The following PCDHA9 variants were observed in gnomAD, a reference collection of about 807,000 sequenced individuals.
PCDHA9 encodes protocadherin alpha 9.
A neutral mutation model predicts 62.0 loss-of-function variants in PCDHA9; 62 were observed. The observed-to-expected ratio is 1.00, with a 90% CI of 0.81 to 1.23. PCDHA9 has a LOEUF of 1.23. Among genes scored for constraint, PCDHA9 ranks in the 50% most tolerant of loss-of-function variants. The pLI is 0.00. For missense variants in PCDHA9, 1,205 were observed against 1,249.8 expected (o/e 0.96, Z 0.54); for synonymous variants, 557 against 567.6 (o/e 0.98, Z 0.27).
intron 1 of PCDHA9, among the ~76,000 whole-genome samples, chr5:140,978,596 C>T (rs2096811689): frequency 6.6e-6 from 1 of 152,204 alleles, no homozygotes; most frequent in African/African-American, 2.4e-5. Context: ...CTTAATGGGG[C>T]ACTTGAGGGC....
At chr5:141,000,410 TATATATATATA>T (rs1554257433) in intron 3 of PCDHA9, among the ~76,000 whole-genome samples, 1 of 101,972 alleles carries the variant, frequency 9.8e-6, no homozygotes, top group Non-Finnish European at 2.0e-5. Context: ...TATATATATA[TATATATATATA>T]TTTTTTTTTT....
At chr5:140,956,724 C>T (rs2095305540) in intron 1 of PCDHA9, among the ~76,000 whole-genome samples, 1 of 152,176 alleles carries the variant, frequency 6.6e-6, no homozygotes, top group South Asian at 2.1e-4. Flanking sequence ...AGAATTGGTA[C>T]CAGCTCCTCT....
At chr5:140,897,167 C>A (rs1271791310) in intron 1 of PCDHA9, among the ~76,000 whole-genome samples, 1 of 152,140 alleles carries the variant, frequency 6.6e-6, no homozygotes, top group Non-Finnish European at 1.5e-5. Flanking sequence ...TACTGTCTAT[C>A]TCCATGGGTT....
intron 1 of PCDHA9, among the ~76,000 whole-genome samples, chr5:140,886,777 G>A (rs2061124221): frequency 1.4e-5 from 2 of 140,408 alleles, no homozygotes; most frequent in South Asian, 4.7e-4. Flanking sequence ...AGTGAGATGA[G>A]ATCATGCTAC....
intron 1 of PCDHA9, among the ~76,000 whole-genome samples, chr5:140,855,664 C>G (rs2043557127): frequency 6.7e-6 from 1 of 149,694 alleles, no homozygotes. Flanking sequence ...GAAGAAATCA[C>G]TACTCTGAGA....
Position 140,924,886 on chromosome 5 carries a change from A to C in PCDHA9, c.2395-54063A>C, listed in dbSNP as rs190850675. ...CTCCAGCCTGGGTGACAGAGCAAGAACCTGTCTCAAAAAAAAAAATAAAAT... is the reference window on the plus strand; with the variant it reads ...CTCCAGCCTGGGTGACAGAGCAAGACCCTGTCTCAAAAAAAAAAATAAAAT... On this transcript the variant is annotated intron_variant, in intron 1 of 3. Transcript: ENST00000532602. Among the ~76,000 whole-genome samples, 1,191 of 137,252 alleles carry C rather than the reference A, an allele frequency of 8.7e-3. 7 individuals carry two copies. Among genetic ancestry groups the C allele is most frequent in the African/African-American group, 0.022 (767 of 35,510 alleles). The allele number at this position is 137,252 out of a possible 152,430, so 90.0% of individuals were successfully genotyped here.
chr5:140,849,758 C>T lies in PCDHA9; in HGVS notation c.1263C>T (p.Tyr421=), dbSNP rs150560525. ...TGGACCGCGAGAGTGTGTCCGCCTA[C>T]GAGCTGGTGGTTACCGCGCGGGACG... The part of the protein sequence containing the change: ...RALDRESVSA[Y]ELVVTARDGG... Residue 421 remains tyrosine, a synonymous_variant, in exon 1 of 4, where the codon TAC becomes TAT. Transcript: ENST00000532602. 1.8e-4 allele frequency: 292 copies of T among 1,598,480 alleles called. 14 individuals are homozygous for T. The highest frequency in any genetic ancestry group is 1.6e-3 in the African/African-American group (121 of 74,466).
chr5:140,939,311 C>A (rs972598257), intron 1 of PCDHA9, among the ~76,000 whole-genome samples: 1 of 152,130 alleles, frequency 6.6e-6, no homozygotes, highest in African/African-American at 2.4e-5. Flanking sequence ...AAAGCCCTAC[C>A]TCCTAATATC....
intron 1 of PCDHA9, chr5:140,882,963 T>C (rs2059384915): frequency 3.7e-6 from 6 of 1,614,088 alleles, no homozygotes; most frequent in Admixed American, 1.7e-5. Context: ...CTCATCACGA[T>C]TCTGGACGTG....
At chr5:140,870,919 C>G in intron 1 of PCDHA9, 1 of 1,613,952 alleles carries the variant, frequency 6.2e-7, no homozygotes, top group South Asian at 1.1e-5. Context: ...CAACGCGTGG[C>G]TTTCATATGA....
chr5:140,932,016 G>A lies in PCDHA9; in HGVS notation c.2395-46933G>A, dbSNP rs73266047. Among the ~76,000 whole-genome samples, 510 of 151,544 alleles carry A rather than the reference G, an allele frequency of 3.4e-3. 2 individuals carry two copies. Among genetic ancestry groups the A allele is most frequent in the African/African-American group, 0.012 (481 of 41,364 alleles). ...TCTAAGTTCTTTCATTTTAGTTTAC[G>A]GTAAGTTTACAGTATATATTAACAT... On this transcript the variant is annotated intron_variant, in intron 1 of 3. Transcript: ENST00000532602.
chr5:140,907,412 A>G (rs889699438), intron 1 of PCDHA9, among the ~76,000 whole-genome samples: 5 of 152,232 alleles, frequency 3.3e-5, no homozygotes, highest in Non-Finnish European at 7.3e-5. Flanking sequence ...GAATACCACG[A>G]TGGTGGATAA....
chr5:141,004,682 T>G (rs1002761253), intron 3 of PCDHA9, among the ~76,000 whole-genome samples: 2 of 152,184 alleles, frequency 1.3e-5, no homozygotes, highest in South Asian at 4.1e-4. Flanking sequence ...TGTGGAGTGG[T>G]GCTGAAACCC....
rs191667063 is a variant in PCDHA9 at position 140,957,933 on chromosome 5, T to G, written c.2395-21016T>G. Among the ~76,000 whole-genome samples the G allele has an allele frequency of 2.8e-3, 419 of 152,208 alleles. 2 individuals carry two copies. The highest frequency in any genetic ancestry group is 0.014 in the Middle Eastern group (4 of 294). ...GTTATCTATGTATCAAGCTAAATAA[T>G]TTAAAGATCTTTAAGACTATTAATT... is the stretch of plus-strand genomic sequence containing the variant. On this transcript the variant is annotated intron_variant, in intron 1 of 3. Transcript: ENST00000532602.
chr5:140,869,330 A>G (rs1554162906), intron 1 of PCDHA9: 25 of 1,613,778 alleles, frequency 1.5e-5, no homozygotes, highest in Non-Finnish European at 2.0e-5. Context: ...GACCTTCTGG[A>G]GGTAAATCTG....
intron 3 of PCDHA9, among the ~76,000 whole-genome samples, chr5:141,004,743 T>G (rs1554259718): frequency 6.6e-6 from 1 of 152,182 alleles, no homozygotes; most frequent in Admixed American, 6.5e-5. Flanking sequence ...CTCTTTTGTC[T>G]CAGTCTCTTA....
intron 3 of PCDHA9, among the ~76,000 whole-genome samples, chr5:140,996,043 C>T (rs1282990779): frequency 6.6e-6 from 1 of 152,202 alleles, no homozygotes; most frequent in Non-Finnish European, 1.5e-5. Context: ...GCACTTAACA[C>T]AGTGCTTGGC....
In PCDHA9 at chr5:140,858,166, C is replaced by T. The variant is rs781812057; in HGVS notation, c.2394+7277C>T. 1.9e-6 allele frequency: 3 copies of T among 1,597,908 alleles called. 1 individual carries two copies. The South Asian group carries it at 3.3e-5, about 18-fold the overall frequency. On this transcript the variant is annotated intron_variant, in intron 1 of 3. Transcript: ENST00000532602. ...TGATCATCGCCATCTGCGCGGTGTC[C>T]AGCTTGCTGGTGCTCACGCTGCTGC...
chr5:140,869,835 A>G (rs782478328), intron 1 of PCDHA9: 160 of 1,611,656 alleles, frequency 9.9e-5, no homozygotes, highest in Non-Finnish European at 1.3e-4. Context: ...AGTTTGATAA[A>G]TCAGAATATA....
Sources: gnomAD v4.1 joint callset for allele counts (sites outside exome capture counted in the v4.1 genomes callset) on GRCh38, gnomAD v4.1.1 for gene constraint, MANE v1.5 for transcripts, NCBI Gene and HGNC (gene_info 2026-07-23, HGNC 2026-07-21) for gene names.